HMG20A: variants seen among roughly 807,000 people sequenced by gnomAD.
HMG20A encodes the protein high mobility group protein 20A.
A neutral mutation model predicts 43.9 loss-of-function variants in HMG20A; 17 were observed. That is an observed-to-expected ratio of 0.39 (90% CI 0.27 to 0.58). HMG20A has a LOEUF of 0.58. Among genes scored for constraint, HMG20A ranks in the 20% least tolerant of loss-of-function variants. HMG20A has a pLI of 0.59. For synonymous variants in HMG20A, 132 were observed against 147.5 expected (o/e 0.89, Z 0.76); for missense variants, 341 against 438.2 (o/e 0.78, Z 1.98).
At chr15:77,471,127 A>G (rs974986082) in intron 5 of HMG20A, 85 bp downstream of exon 5, 6 of 1,347,506 alleles carry the variant, frequency 4.5e-6, no homozygotes, top group Non-Finnish European at 6.0e-6. Flanking sequence ...TGGTAACTAT[A>G]AAAGATGTGT....
At chr15:77,479,977 C>A (rs1316896275) in intron 9 of HMG20A, among the ~76,000 whole-genome samples, 2 of 152,084 alleles carry the variant, frequency 1.3e-5, no homozygotes, top group African/African-American at 4.8e-5. Flanking sequence ...ACAGGTAACT[C>A]CCTGGTTTTG....
intron 4 of HMG20A, among the ~76,000 whole-genome samples, chr15:77,468,615 A>G (rs1466215934): frequency 6.6e-6 from 1 of 151,812 alleles, no homozygotes; most frequent in East Asian, 1.9e-4. Context: ...ACACACACAC[A>G]CACACACACA....
At chr15:77,457,912 A>G (rs2072669601) in intron 1 of HMG20A, among the ~76,000 whole-genome samples, 1 of 152,182 alleles carries the variant, frequency 6.6e-6, no homozygotes, top group South Asian at 2.1e-4. Flanking sequence ...CTTTCTTTAT[A>G]TAATACTCAA....
At chr15:77,500,104 T>A in the HMG20A span, among the ~76,000 whole-genome samples, 4 of 152,184 alleles carry the variant, frequency 2.6e-5, no homozygotes, top group Non-Finnish European at 5.9e-5. Context: ...GTGCTGGGAT[T>A]ACAAGCGTGA....
chr15:77,500,459 T>G, the HMG20A span, among the ~76,000 whole-genome samples: 2 of 152,114 alleles, frequency 1.3e-5, no homozygotes, highest in Non-Finnish European at 2.9e-5. Context: ...CCATAGTGGG[T>G]GGCGTATGTC....
At chr15:77,446,681 C>A (rs1412361323) in intron 1 of HMG20A, among the ~76,000 whole-genome samples, 2 of 152,026 alleles carry the variant, frequency 1.3e-5, no homozygotes, top group African/African-American at 4.8e-5. Flanking sequence ...GTGGTGGGCA[C>A]CTGTAGTCCC....
the HMG20A span, among the ~76,000 whole-genome samples, chr15:77,508,214 G>A: frequency 6.6e-6 from 1 of 152,138 alleles, no homozygotes; most frequent in African/African-American, 2.4e-5. Flanking sequence ...GCTAAGTCAG[G>A]TGTGGGAAAG....
downstream of HMG20A, among the ~76,000 whole-genome samples, chr15:77,488,696 A>G (rs2072957807): frequency 6.6e-6 from 1 of 152,254 alleles, no homozygotes; most frequent in Non-Finnish European, 1.5e-5. Flanking sequence ...ATTGTAATTT[A>G]GACAAGCAGT....
the HMG20A span, among the ~76,000 whole-genome samples, chr15:77,519,602 C>T: frequency 9.9e-5 from 15 of 152,270 alleles, no homozygotes; most frequent in East Asian, 5.8e-4. Flanking sequence ...AACACAGCAA[C>T]GAGACGCCAT....
downstream of HMG20A, among the ~76,000 whole-genome samples, chr15:77,489,610 C>T (rs184441774): frequency 1.7e-3 from 260 of 152,326 alleles, 1 homozygote; most frequent in Non-Finnish European, 3.0e-3. Context: ...AGTAACCTAA[C>T]AAACTCATCT....
chr15:77,480,302 T>A (rs932700451), intron 9 of HMG20A, among the ~76,000 whole-genome samples: 2 of 151,260 alleles, frequency 1.3e-5, no homozygotes, highest in African/African-American at 4.9e-5. Context: ...GTCTCAAAAA[T>A]TTTTTTAAAT....
intron 1 of HMG20A, among the ~76,000 whole-genome samples, chr15:77,421,726 T>C (rs1305247280): frequency 6.6e-6 from 1 of 152,268 alleles, no homozygotes; most frequent in African/African-American, 2.4e-5. Context: ...CCTTAACTGA[T>C]AAAATTGACA....
intron 5 of HMG20A, among the ~76,000 whole-genome samples, 200 bp downstream of exon 5, chr15:77,471,242 C>G (rs543033481): frequency 6.6e-6 from 1 of 152,168 alleles, no homozygotes; most frequent in Non-Finnish European, 1.5e-5. Context: ...GTTTCCGTGT[C>G]TATTATCAAT....
At position 77,470,005 on chromosome 15, in the gene HMG20A, A is replaced by G. The variant is rs142603281; in HGVS notation, c.451-905A>G. On this transcript the variant is annotated intron_variant, in intron 4 of 9. Transcript: ENST00000336216. ...TATTGTATTTGTATGGTAACAAATC[A>G]TTGGTATTGTGTCTGTTATAAATCA... 3.3e-5 allele frequency among the ~76,000 whole-genome samples: 5 copies of G among 152,300 alleles called. No homozygotes were observed. The East Asian group carries it at 9.7e-4, about 29-fold the overall frequency.
chr15:77,443,298 T>A (rs1372602920), intron 1 of HMG20A, among the ~76,000 whole-genome samples: 1 of 150,326 alleles, frequency 6.7e-6, no homozygotes, highest in Non-Finnish European at 1.5e-5. Flanking sequence ...CTCCCAACAC[T>A]TTGAACATTT....
the HMG20A span, among the ~76,000 whole-genome samples, chr15:77,517,468 G>T: frequency 6.6e-6 from 1 of 151,606 alleles, no homozygotes. Flanking sequence ...TTCACAAATG[G>T]CAGTTCGAGG....
chr15:77,463,748 C>A (rs1404916772), intron 2 of HMG20A, among the ~76,000 whole-genome samples: 2 of 152,190 alleles, frequency 1.3e-5, no homozygotes, highest in African/African-American at 2.4e-5. Context: ...TGTCACTAAA[C>A]GCTATAATCC....
intron 1 of HMG20A, among the ~76,000 whole-genome samples, chr15:77,428,781 A>G (rs1229387038): frequency 6.6e-6 from 1 of 152,136 alleles, no homozygotes; most frequent in African/African-American, 2.4e-5. Flanking sequence ...CTTGGGTAAC[A>G]TAGTGAGATG....
At chr15:77,443,140 C>T (rs528063763) in intron 1 of HMG20A, among the ~76,000 whole-genome samples, 2 of 145,856 alleles carry the variant, frequency 1.4e-5, no homozygotes, top group East Asian at 4.1e-4. Context: ...TTAAGCGATT[C>T]TCCTTCCTCA....
Sources: allele counts gnomAD v4.1 joint callset (sites outside exome capture counted in the v4.1 genomes callset), GRCh38; gene constraint gnomAD v4.1.1; transcripts MANE v1.5; gene names NCBI Gene and HGNC (gene_info 2026-07-23, HGNC 2026-07-21).